MCTP2: variants seen among roughly 807,000 people sequenced by gnomAD.
The protein encoded by MCTP2 is multiple C2 and transmembrane domain-containing protein 2.
MCTP2 carries 132 observed loss-of-function variants against 111.6 expected under a neutral mutation model. The ratio of observed to expected loss-of-function variants is 1.18; its 90% CI spans 1.03 to 1.37. MCTP2 has a LOEUF of 1.37. Ranked by LOEUF, MCTP2 falls within the 40% of genes most tolerant of loss-of-function variation. The pLI is 0.00. For missense variants in MCTP2, 1,183 were observed against 1,067.9 expected (o/e 1.11, Z -1.50); for synonymous variants, 395 against 387.7 (o/e 1.02, Z -0.22).
intron 1 of MCTP2, among the ~76,000 whole-genome samples, chr15:94,282,530 A>G (rs891486083): frequency 6.6e-6 from 1 of 152,096 alleles, no homozygotes; most frequent in African/African-American, 2.4e-5. Flanking sequence ...TCTGAATTCT[A>G]TGTCTGTCAT....
chr15:94,374,108 C>T (rs2079627595), intron 12 of MCTP2, among the ~76,000 whole-genome samples: 1 of 152,152 alleles, frequency 6.6e-6, no homozygotes, highest in East Asian at 1.9e-4. Context: ...GGTTTCATAC[C>T]TACAGTAGAG....
At chr15:94,471,466 T>G (rs534108344) in intron 21 of MCTP2, among the ~76,000 whole-genome samples, 23 of 152,304 alleles carry the variant, frequency 1.5e-4, no homozygotes, top group African/African-American at 5.5e-4. Context: ...AGAATCCTGC[T>G]GTCAAGAAAA....
At chr15:94,464,307 C>T (rs964250444) in intron 20 of MCTP2, among the ~76,000 whole-genome samples, 1 of 79,676 alleles carries the variant, frequency 1.3e-5, no homozygotes, top group African/African-American at 5.6e-5. Context: ...TATTTCTCAT[C>T]TCTGTTTCTG....
At chr15:94,450,520 GC>G (rs1327728304) in intron 19 of MCTP2, among the ~76,000 whole-genome samples, 1 of 152,084 alleles carries the variant, frequency 6.6e-6, no homozygotes, top group African/African-American at 2.4e-5. Flanking sequence ...CAGATGCTAA[GC>G]TTTTTTTCAT....
chr15:94,298,180 T>G, intron 1 of MCTP2, 21 bp from the exon 2 acceptor site: 1 of 1,001,606 alleles, frequency 1.0e-6, no homozygotes, highest in African/African-American at 1.7e-5. Context: ...TTGTTTTTTG[T>G]TGTTTTTTTC....
chr15:94,366,571 T>C (rs1208921308), intron 10 of MCTP2, among the ~76,000 whole-genome samples: 3 of 152,200 alleles, frequency 2.0e-5, no homozygotes, highest in Non-Finnish European at 4.4e-5. Context: ...TGTAATTAAC[T>C]GCAAATGTAC....
At chr15:94,291,976 G>T (rs913425451) in intron 1 of MCTP2, among the ~76,000 whole-genome samples, 1 of 152,110 alleles carries the variant, frequency 6.6e-6, no homozygotes, top group African/African-American at 2.4e-5. Context: ...ATAAAAACAG[G>T]TAGTTGTATT....
intron 17 of MCTP2, among the ~76,000 whole-genome samples, chr15:94,429,645 G>A (rs2083072130): frequency 6.6e-6 from 1 of 152,002 alleles, no homozygotes; most frequent in East Asian, 1.9e-4. Context: ...CTCTAAATTT[G>A]GACTTTTGTA....
intron 8 of MCTP2, among the ~76,000 whole-genome samples, chr15:94,354,762 G>C (rs995842582): frequency 6.6e-6 from 1 of 152,184 alleles, no homozygotes; most frequent in Non-Finnish European, 1.5e-5. Context: ...CTTATTAAGA[G>C]TGGTGGAGTG....
At chr15:94,313,933 C>A (rs1419940951) in intron 2 of MCTP2, among the ~76,000 whole-genome samples, 1 of 152,202 alleles carries the variant, frequency 6.6e-6, no homozygotes, top group Non-Finnish European at 1.5e-5. Flanking sequence ...AGGCTGGGGG[C>A]CGGGCTGGCC....
At chr15:94,409,573 A>G (rs1047013372) in intron 17 of MCTP2, among the ~76,000 whole-genome samples, 6 of 152,018 alleles carry the variant, frequency 3.9e-5, no homozygotes, top group African/African-American at 1.5e-4. Context: ...TTCCAGAGAT[A>G]CCCTACTGAG....
At chr15:94,369,249 G>A (rs1269957528) in intron 11 of MCTP2, among the ~76,000 whole-genome samples, 3 of 152,172 alleles carry the variant, frequency 2.0e-5, no homozygotes, top group Non-Finnish European at 4.4e-5. Flanking sequence ...TGCCTAAATA[G>A]CAAGTATTTT....
chr15:94,353,073 C>T (rs923804095), intron 8 of MCTP2, among the ~76,000 whole-genome samples: 2 of 152,170 alleles, frequency 1.3e-5, no homozygotes, highest in Admixed American at 6.5e-5. Flanking sequence ...GTGAACTCTG[C>T]AATAAATACT....
intron 4 of MCTP2, among the ~76,000 whole-genome samples, chr15:94,323,735 C>T (rs1449848773): frequency 1.3e-5 from 2 of 152,142 alleles, no homozygotes; most frequent in African/African-American, 4.8e-5. Context: ...TTGAGCTCAC[C>T]TTCGTTAGCA....
At chr15:94,264,597 C>T (rs896746417) in intron 1 of MCTP2, among the ~76,000 whole-genome samples, 1 of 147,626 alleles carries the variant, frequency 6.8e-6, no homozygotes, top group African/African-American at 2.5e-5. Flanking sequence ...GGCGACAGAG[C>T]GAGACTCTGT....
Position 94,480,787 on chromosome 15 carries a change from A to G in MCTP2, c.*1753A>G, listed in dbSNP as rs112684908. ...CCCTTATTTATTTAAAAGTGGAACC[A>G]ATACTTTATTGTTGTTCTTTTGCTA... On this transcript the variant is annotated 3_prime_UTR_variant, in exon 23 of 23. Transcript: ENST00000357742. 1.3e-5 allele frequency: 2 copies of G among 152,220 alleles called. No homozygotes were observed. Among genetic ancestry groups the G allele is most frequent in the African/African-American group, 4.8e-5 (2 of 41,464 alleles). The allele number at this position is 152,220 out of a possible 1,614,324, so 9.4% of individuals were successfully genotyped here. A position where few individuals can be genotyped will look rare whatever the true frequency, so the allele number is the denominator to read the frequency against.
At chr15:94,345,268 CA>C in intron 8 of MCTP2, 104 bp downstream of exon 8, 1 of 1,150,190 alleles carries the variant, frequency 8.7e-7, no homozygotes, top group Non-Finnish European at 1.3e-6. Context: ...TTACATCAAA[CA>C]GAATTCTTTT....
chr15:94,472,113 C>G (rs556885886), intron 21 of MCTP2, among the ~76,000 whole-genome samples: 1 of 152,336 alleles, frequency 6.6e-6, no homozygotes, highest in South Asian at 2.1e-4. Flanking sequence ...TGCAGTGGCT[C>G]ACGCCTGTAA....
chr15:94,264,525 C>T (rs1160763572), intron 1 of MCTP2, among the ~76,000 whole-genome samples: 2 of 151,984 alleles, frequency 1.3e-5, no homozygotes, highest in African/African-American at 4.8e-5. Flanking sequence ...AGGAGAATGG[C>T]GTGAACCCGG....
Sources: gnomAD v4.1 joint callset for allele counts (sites outside exome capture counted in the v4.1 genomes callset) on GRCh38, gnomAD v4.1.1 for gene constraint, MANE v1.5 for transcripts, NCBI Gene and HGNC (gene_info 2026-07-23, HGNC 2026-07-21) for gene names.